Variants in RAB27A observed in about 807,000 individuals in gnomAD.
RAB27A encodes the protein RAB27A, member RAS oncogene family.
RAB27A carries 17 observed loss-of-function variants against 20.8 expected under a neutral mutation model. That is an observed-to-expected ratio of 0.82 (90% CI 0.56 to 1.23). The LOEUF is 1.23. Ranked by LOEUF, RAB27A falls within the 50% of genes most tolerant of loss-of-function variation. The pLI is 0.00. For missense variants in RAB27A, 277 were observed against 266.7 expected (o/e 1.04, Z -0.27); for synonymous variants, 85 against 92.8 (o/e 0.92, Z 0.48).
At chr15:55,274,746 C>A (rs1897802009) in intron 1 of RAB27A, among the ~76,000 whole-genome samples, 1 of 131,790 alleles carries the variant, frequency 7.6e-6, no homozygotes, top group South Asian at 2.4e-4. Flanking sequence ...CCACTGCACT[C>A]CAGCCTGGGT....
At chr15:55,296,826 G>A (rs1387092881) in intron 2 of RAB27A, among the ~76,000 whole-genome samples, 5 of 152,022 alleles carry the variant, frequency 3.3e-5, no homozygotes, top group Non-Finnish European at 5.9e-5. Flanking sequence ...GCAGTGACTG[G>A]GTCACCTTGG....
intron 2 of RAB27A, among the ~76,000 whole-genome samples, chr15:55,261,412 TAATA>T (rs916609684): frequency 1.1e-4 from 17 of 150,472 alleles, no homozygotes; most frequent in Non-Finnish European, 2.2e-4. Flanking sequence ...AAAATAAAAA[TAATA>T]AATAAATAAA....
chr15:55,249,929 T>C (rs889937752), intron 2 of RAB27A, among the ~76,000 whole-genome samples: 1 of 152,036 alleles, frequency 6.6e-6, no homozygotes, highest in Non-Finnish European at 1.5e-5. Flanking sequence ...ACTTTAAGAG[T>C]TCTGTAAACT....
intron 2 of RAB27A, among the ~76,000 whole-genome samples, chr15:55,258,249 A>C (rs1595724165): frequency 6.6e-6 from 1 of 152,284 alleles, no homozygotes; most frequent in South Asian, 2.1e-4. Flanking sequence ...TCCTAGAAGA[A>C]GAATTCACTA....
chr15:55,308,127 A>C (rs1342912551), intron 2 of RAB27A, among the ~76,000 whole-genome samples: 1 of 152,040 alleles, frequency 6.6e-6, no homozygotes, highest in Non-Finnish European at 1.5e-5. Context: ...TTTCTAATGG[A>C]GGGTCCTGCC....
At chr15:55,205,803 T>C (rs1894621353) in intron 6 of RAB27A, 98 bp from the exon 7 acceptor site, 1 of 1,130,148 alleles carries the variant, frequency 8.8e-7, no homozygotes, top group African/African-American at 1.5e-5. Flanking sequence ...AGAATACAAA[T>C]ATACAAGATG....
intron 3 of RAB27A, 102 bp downstream of exon 3, chr15:55,234,680 G>A: frequency 7.7e-7 from 1 of 1,306,246 alleles, no homozygotes; most frequent in Non-Finnish European, 1.1e-6. Flanking sequence ...TTTAATTTCA[G>A]ATCCCAACCT....
chr15:55,234,780 A>C lies in RAB27A; in HGVS notation c.153+2T>G. On this transcript the variant is annotated splice_donor_variant, in intron 3 of 6. Transcript: ENST00000336787. LOFTEE classifies it high-confidence loss of function. ...TTTTACATAGAAGGATATAGAACTT[A>C]CCACTCTTTTTTCCCTGAAATCAAT... 1 of 1,608,156 alleles carries C rather than the reference A, an allele frequency of 6.2e-7. No homozygotes were observed. Among genetic ancestry groups the C allele is most frequent in the Non-Finnish European group, 8.5e-7 (1 of 1,174,952 alleles).
chr15:55,293,999 G>A (rs947658974), upstream of RAB27A, among the ~76,000 whole-genome samples: 25 of 152,100 alleles, frequency 1.6e-4, no homozygotes, highest in African/African-American at 5.6e-4. Context: ...TCCCCAGATA[G>A]AGCTACAGAT....
chr15:55,272,195 G>A (rs891531879), intron 1 of RAB27A, among the ~76,000 whole-genome samples: 2 of 152,136 alleles, frequency 1.3e-5, no homozygotes, highest in Admixed American at 6.5e-5. Flanking sequence ...GGGGGAGATC[G>A]AGACCATCCT....
intron 2 of RAB27A, among the ~76,000 whole-genome samples, chr15:55,295,538 A>C (rs1039674287): frequency 1.3e-5 from 2 of 152,236 alleles, no homozygotes; most frequent in African/African-American, 4.8e-5. Context: ...GTATTGATAC[A>C]TGTTACAACG....
chr15:55,256,149 T>A (rs771640159), intron 2 of RAB27A, among the ~76,000 whole-genome samples: 8 of 152,118 alleles, frequency 5.3e-5, no homozygotes, highest in Non-Finnish European at 1.2e-4. Context: ...GCATGGAGGC[T>A]CATACCTGTA....
chr15:55,281,852 A>G (rs531944630), intron 1 of RAB27A, among the ~76,000 whole-genome samples: 2 of 152,312 alleles, frequency 1.3e-5, no homozygotes, highest in South Asian at 4.1e-4. Context: ...AATGAAAGCA[A>G]CTAAGGGATT....
intron 6 of RAB27A, among the ~76,000 whole-genome samples, chr15:55,210,154 TACATAC>T (rs1566897069): frequency 7.0e-6 from 1 of 142,594 alleles, no homozygotes; most frequent in Non-Finnish European, 1.5e-5. Flanking sequence ...TGTGTATGTA[TACATAC>T]ACATACATAT....
At chr15:55,282,645 C>T (rs916197812) in intron 1 of RAB27A, among the ~76,000 whole-genome samples, 2 of 152,156 alleles carry the variant, frequency 1.3e-5, no homozygotes, top group African/African-American at 4.8e-5. Context: ...CGTGCAAAGA[C>T]TGAGAACCCA....
intron 2 of RAB27A, chr15:55,260,036 T>C (rs1171871380): frequency 6.6e-6 from 1 of 152,208 alleles, no homozygotes; most frequent in African/African-American, 2.4e-5. Context: ...ATAGATCAAA[T>C]TAAGAAGATT....
intron 2 of RAB27A, among the ~76,000 whole-genome samples, chr15:55,235,773 T>C (rs75353281): frequency 0.011 from 1,608 of 152,082 alleles, 35 homozygotes; most frequent in African/African-American, 0.037. Flanking sequence ...GAAATTGTGG[T>C]ACACCACAAT....
At chr15:55,235,217 G>A (rs899661229) in intron 2 of RAB27A, among the ~76,000 whole-genome samples, 17 of 152,120 alleles carry the variant, frequency 1.1e-4, no homozygotes, top group African/African-American at 3.4e-4. Context: ...GGAGGCCAAG[G>A]TGGGCAGATC....
intron 6 of RAB27A, among the ~76,000 whole-genome samples, chr15:55,214,207 C>T (rs7181147): frequency 0.28 from 42,289 of 152,074 alleles, 10,438 homozygotes; most frequent in African/African-American, 0.67. Context: ...GAGGCCAAGG[C>T]GGGCGGATCA....
Sources: gnomAD v4.1 joint callset for allele counts (sites outside exome capture counted in the v4.1 genomes callset) on GRCh38, gnomAD v4.1.1 for gene constraint, MANE v1.5 for transcripts, NCBI Gene and HGNC (gene_info 2026-07-23, HGNC 2026-07-21) for gene names.